Variants in STPG2 observed in about 807,000 individuals in gnomAD.
The protein encoded by STPG2 is sperm-tail PG-rich repeat-containing protein 2.
STPG2 carries 56 observed loss-of-function variants against 54.2 expected under a neutral mutation model. That is an observed-to-expected ratio of 1.03 (90% CI 0.83 to 1.29). The LOEUF is 1.29. STPG2 is among the 50% of genes most tolerant of loss of function. The pLI, the probability that STPG2 is intolerant of heterozygous loss-of-function variation, is 0.00. For missense variants in STPG2, 596 were observed against 544.9 expected (o/e 1.09, Z -0.93); for synonymous variants, 200 against 181.8 (o/e 1.10, Z -0.81).
chr4:97,634,476 C>CT (rs1721430909), intron 10 of STPG2, among the ~76,000 whole-genome samples: 1 of 152,202 alleles, frequency 6.6e-6, no homozygotes, highest in African/African-American at 2.4e-5. Context: ...TGCAACAGAA[C>CT]AAAGCTGGAC....
chr4:97,994,486 C>T (rs56134300), intron 5 of STPG2, among the ~76,000 whole-genome samples: 91 of 152,242 alleles, frequency 6.0e-4, no homozygotes, highest in African/African-American at 2.1e-3. Flanking sequence ...TAAGTCCATT[C>T]GTTGTAGGGT....
At chr4:98,002,875 T>G (rs1735454738) in intron 5 of STPG2, among the ~76,000 whole-genome samples, 1 of 152,074 alleles carries the variant, frequency 6.6e-6, no homozygotes, top group Admixed American at 6.6e-5. Flanking sequence ...TAAAAAATGT[T>G]TCTTAATTTT....
In STPG2 at chr4:97,981,266, G is replaced by C; in HGVS notation, c.665C>G (p.Pro222Arg). The C allele has an allele frequency of 6.2e-7, 1 of 1,613,972 alleles. No homozygotes were observed. ...CTTCAAAGACTTGAGAGCAGTTCGA[G>C]GTTCATTATATGTGCCAGGAGCCGG... ...ITPAPGTYNEPRTALKSLKKT... is the reference protein window; with the variant it reads ...ITPAPGTYNERRTALKSLKKT... The change falls in exon 6 of 11, where the codon CCT becomes CGT. Residue 222 changes from proline to arginine, a missense_variant. Coordinates refer to ENST00000295268, the MANE Select transcript of STPG2 (RefSeq NM_174952.3).
intron 5 of STPG2, among the ~76,000 whole-genome samples, chr4:98,101,615 A>G (rs766759079): frequency 4.6e-5 from 7 of 152,176 alleles, no homozygotes; most frequent in Non-Finnish European, 1.0e-4. Flanking sequence ...ACGCAAGAGC[A>G]GCAGCGTAGC....
chr4:98,013,782 ATTGT>A (rs35926872), intron 5 of STPG2, among the ~76,000 whole-genome samples: 59,512 of 150,832 alleles, frequency 0.39, 11,882 homozygotes, highest in Middle Eastern at 0.46. Flanking sequence ...TTCTCTGATG[ATTGT>A]TTGTATTTCT....
rs113065877 is a variant in STPG2 at position 97,705,910 on chromosome 4, A to G, written c.1320+6789T>C. On this transcript the variant is annotated intron_variant, in intron 10 of 10. Transcript: ENST00000295268. ...ACAGTAACAATAACATATATAACATATCTAATATATAATAACTATAACATA... is the reference window on the plus strand; with the variant it reads ...ACAGTAACAATAACATATATAACATGTCTAATATATAATAACTATAACATA... Among the ~76,000 whole-genome samples the G allele has an allele frequency of 4.9e-3, 748 of 152,086 alleles. 3 individuals are homozygous for G. Among genetic ancestry groups the G allele is most frequent in the Middle Eastern group, 0.021 (6 of 292 alleles).
At position 97,549,603 on chromosome 4, in the gene STPG2, C is replaced by A. The variant is rs144929536; in HGVS notation, c.462+163096G>T. Among the ~76,000 whole-genome samples the A allele has an allele frequency of 4.1e-3, 631 of 152,246 alleles. 3 individuals are homozygous for A. Among genetic ancestry groups the A allele is most frequent in the South Asian group, 0.02 (98 of 4,830 alleles). ...AAAAAGGGTCTTTGCAGGTATAATTCAGGTGAGCATTTCAAGAAGAAATGA... is the reference window on the plus strand; with the variant it reads ...AAAAAGGGTCTTTGCAGGTATAATTAAGGTGAGCATTTCAAGAAGAAATGA... On this transcript the variant is annotated intron_variant, in intron 4 of 4. Coordinates refer to the STPG2 transcript ENST00000522676.
chr4:97,860,679 T>C (rs1424846847), intron 8 of STPG2, among the ~76,000 whole-genome samples: 1 of 152,086 alleles, frequency 6.6e-6, no homozygotes, highest in Non-Finnish European at 1.5e-5. Context: ...GCTTTTTGGA[T>C]GAGTCGTTGG....
At chr4:97,779,786 T>C (rs1726538479) in intron 9 of STPG2, among the ~76,000 whole-genome samples, 1 of 152,152 alleles carries the variant, frequency 6.6e-6, no homozygotes, top group Admixed American at 6.5e-5. Context: ...ACAACGTTCT[T>C]AAAGAAAAGA....
chr4:97,479,878 A>G (rs1225621699), intron 4 of STPG2, among the ~76,000 whole-genome samples: 2 of 151,892 alleles, frequency 1.3e-5, no homozygotes, highest in Admixed American at 1.3e-4. Context: ...CTACAATTGA[A>G]CCAGCTTATT....
intron 8 of STPG2, among the ~76,000 whole-genome samples, chr4:97,913,596 T>G (rs1334528651): frequency 6.6e-6 from 1 of 152,140 alleles, no homozygotes; most frequent in Non-Finnish European, 1.5e-5. Context: ...TGCACAGTGA[T>G]AGGTAATTCC....
intron 10 of STPG2, among the ~76,000 whole-genome samples, chr4:97,682,315 T>C (rs1267568384): frequency 6.6e-6 from 1 of 151,838 alleles, no homozygotes; most frequent in African/African-American, 2.4e-5. Context: ...CCTAAGTTTC[T>C]GTTACTTTAA....
At chr4:97,928,540 G>C (rs1037587386) in intron 8 of STPG2, among the ~76,000 whole-genome samples, 8 of 152,032 alleles carry the variant, frequency 5.3e-5, no homozygotes, top group Non-Finnish European at 1.0e-4. Flanking sequence ...AAAATAAACA[G>C]TAAAAATGTC....
At chr4:97,633,371 T>A (rs1183998092) in intron 10 of STPG2, 1 of 152,132 alleles carries the variant, frequency 6.6e-6, no homozygotes, top group African/African-American at 2.4e-5. Flanking sequence ...AATGTGGCAA[T>A]TCCAGGGAAA....
intron 5 of STPG2, among the ~76,000 whole-genome samples, chr4:97,982,350 C>G (rs1197483080): frequency 1.3e-5 from 2 of 148,374 alleles, no homozygotes; most frequent in Non-Finnish European, 3.0e-5. Context: ...GTCTGTTTGT[C>G]TTTCTCTTCC....
chr4:97,716,896 A>C (rs1055043688), intron 9 of STPG2, among the ~76,000 whole-genome samples: 1 of 152,094 alleles, frequency 6.6e-6, no homozygotes, highest in Non-Finnish European at 1.5e-5. Flanking sequence ...AAAAGGGGTT[A>C]AAAATCAGTT....
intron 5 of STPG2, among the ~76,000 whole-genome samples, chr4:98,070,627 C>T (rs779681491): frequency 5.1e-4 from 78 of 151,912 alleles, no homozygotes; most frequent in Non-Finnish European, 5.9e-5. Flanking sequence ...TCATCTCAGC[C>T]CAAAACCTTC....
chr4:97,443,703 C>A (rs763073881), intron 4 of STPG2, among the ~76,000 whole-genome samples: 3 of 151,994 alleles, frequency 2.0e-5, no homozygotes, highest in Non-Finnish European at 4.4e-5. Flanking sequence ...ATTTAAGGTA[C>A]CTGAGAAAAA....
chr4:97,645,670 G>C (rs1264213071), intron 10 of STPG2, among the ~76,000 whole-genome samples: 1 of 152,106 alleles, frequency 6.6e-6, no homozygotes, highest in East Asian at 1.9e-4. Context: ...TAGCCAGATG[G>C]TATGTCCTAC....
Sources: gnomAD v4.1 joint callset for allele counts (sites outside exome capture counted in the v4.1 genomes callset) on GRCh38, gnomAD v4.1.1 for gene constraint, MANE v1.5 for transcripts, NCBI Gene and HGNC (gene_info 2026-07-23, HGNC 2026-07-21) for gene names.